Variants in VIPR2 observed in about 807,000 individuals in gnomAD.
VIPR2 encodes the protein vasoactive intestinal polypeptide receptor 2.
In VIPR2, 48 loss-of-function variants were observed where a neutral mutation model predicts 58.0. The observed-to-expected ratio is 0.83, with a 90% confidence interval of 0.66 to 1.05. The LOEUF is 1.05. VIPR2 is among the 50% of genes least tolerant of loss of function. The pLI is 0.00. For missense variants in VIPR2, 534 were observed against 558.0 expected (o/e 0.96, Z 0.43); for synonymous variants, 243 against 235.2 (o/e 1.03, Z -0.30).
Position 159,030,544 on chromosome 7 carries a change from A to C in VIPR2, c.*72T>G. On this transcript the variant is annotated 3_prime_UTR_variant, in exon 13 of 13. Coordinates refer to ENST00000262178, the MANE Select transcript of VIPR2 (RefSeq NM_003382.5). The stretch of plus-strand genomic sequence containing the variant: ...CGGTGCTCGGGCATCTGGAAGGAGG[A>C]AGCCGGCGTCTCAGCCCCGCAGAAG... The C allele has an allele frequency of 6.9e-7, 1 of 1,455,532 alleles. No homozygotes were observed. The highest frequency in any genetic ancestry group is 9.1e-7 in the Non-Finnish European group (1 of 1,099,954). The allele number at this position is 1,455,532 out of a possible 1,614,324, so 90.2% of individuals were successfully genotyped here. A position where few individuals can be genotyped will look rare whatever the true frequency, so the allele number is the denominator to read the frequency against.
intron 2 of VIPR2, among the ~76,000 whole-genome samples, chr7:159,136,394 A>G (rs1287995429): frequency 6.6e-6 from 1 of 152,192 alleles, no homozygotes; most frequent in Non-Finnish European, 1.5e-5. Context: ...TACATTGAGG[A>G]TTGTTTTAAC....
At position 159,142,549 on chromosome 7, in the gene VIPR2, T is replaced by TTGCC; in HGVS notation, c.52-5_52-4insGGCA. 8 of 1,601,424 alleles carry TTGCC rather than the reference T, an allele frequency of 5.0e-6. No individual in the cohort carries two copies. Among genetic ancestry groups the TTGCC allele is most frequent in the Non-Finnish European group, 6.8e-6 (8 of 1,171,860 alleles). Reference sequence around the variant, plus strand: ...ATTCTGGGTGAATGCTGTTCACCTGTTCACGGTTAAAAGAAATATTAATAA... The same window carrying TTGCC: ...ATTCTGGGTGAATGCTGTTCACCTGTTGCCTCACGGTTAAAAGAAATATTAATAA... On this transcript the variant is annotated splice_polypyrimidine_tract_variant and splice_region_variant and intron_variant, in intron 1 of 12. Transcript: ENST00000262178.
At chr7:159,131,558 T>C (rs1255001961) in intron 2 of VIPR2, among the ~76,000 whole-genome samples, 1 of 152,168 alleles carries the variant, frequency 6.6e-6, no homozygotes, top group Admixed American at 6.5e-5. Flanking sequence ...CTCGCCCCTC[T>C]CCCCACAGGA....
intron 4 of VIPR2, among the ~76,000 whole-genome samples, chr7:159,067,641 A>G (rs1856165520): frequency 6.6e-6 from 1 of 152,250 alleles, no homozygotes; most frequent in Non-Finnish European, 1.5e-5. Context: ...ACTAGAAAGA[A>G]AGAATAATCC....
chr7:159,082,739 CAGAT>C (rs1856974791), intron 4 of VIPR2, among the ~76,000 whole-genome samples: 1 of 152,332 alleles, frequency 6.6e-6, no homozygotes, highest in South Asian at 2.1e-4. Flanking sequence ...GACAGACAGA[CAGAT>C]AGACCTGCAG....
In VIPR2 at chr7:159,133,871, G is replaced by A. The variant is rs186693521; in HGVS notation, c.151+8575C>T. Among the ~76,000 whole-genome samples the A allele has an allele frequency of 7.9e-5, 12 of 152,250 alleles. No homozygotes were observed. In the East Asian group the frequency reaches 1.2e-3, roughly 15 times the overall value. The stretch of plus-strand genomic sequence containing the variant: ...GTAATCTTTAATAAATAAGAATGTC[G>A]ATGATGTAGTAGAAATGGACATTCT... On this transcript the variant is annotated intron_variant, in intron 2 of 12. Coordinates refer to ENST00000262178, the MANE Select transcript of VIPR2 (RefSeq NM_003382.5).
At chr7:159,038,202 G>T (rs1484552334) in intron 6 of VIPR2, among the ~76,000 whole-genome samples, 2 of 152,006 alleles carry the variant, frequency 1.3e-5, no homozygotes, top group African/African-American at 2.4e-5. Context: ...AGCCCTGCAG[G>T]CTGCCCCGAC....
In VIPR2 at chr7:159,128,356, C is replaced by T. The variant is rs546991328; in HGVS notation, c.151+14090G>A. On this transcript the variant is annotated intron_variant, in intron 2 of 12. Transcript: ENST00000262178. The surrounding 1 kb of genome is among the most constrained non-coding windows in gnomAD (Gnocchi z 4.1). ...AGCAGTTCTGAGCCTGCAGTGGTCT[C>T]CTTGTGCCCCCAGGTGCCTGCTGGC... Among the ~76,000 whole-genome samples, 1 of 152,318 alleles carries T rather than the reference C, an allele frequency of 6.6e-6. No individual in the cohort carries two copies. The highest frequency in any genetic ancestry group is 2.4e-5 in the African/African-American group (1 of 41,576).
chr7:159,120,208 A>G (rs117414252), intron 2 of VIPR2, among the ~76,000 whole-genome samples: 2,104 of 152,268 alleles, frequency 0.014, 28 homozygotes, highest in Admixed American at 0.033. Flanking sequence ...TGGGAAAAAA[A>G]TTTCGTGTTT....
chr7:159,089,500 G>A (rs889385801), intron 4 of VIPR2, among the ~76,000 whole-genome samples: 12 of 152,202 alleles, frequency 7.9e-5, no homozygotes, highest in Non-Finnish European at 1.6e-4. Context: ...GTTCTTGTCT[G>A]GCAGTGTTGC....
rs1200335446 is a variant in VIPR2 at position 159,031,840 on chromosome 7, G to A, written c.1131C>T (p.Phe377=). The A allele has an allele frequency of 7.4e-6, 12 of 1,613,940 alleles. No individual in the cohort carries two copies. The highest frequency in any genetic ancestry group is 1.3e-5 in the African/African-American group (1 of 74,922). ...QGLVVAVLYC[F]LNSEVQCELK... is the part of the protein sequence containing the mutation. ...GCCATGAACTTACCTCACTGTTCAG[G>A]AAACAGTAGAGGACGGCCACCACCA... is the stretch of plus-strand genomic sequence containing the variant. Residue 377 remains phenylalanine (F), a synonymous_variant, in exon 12 of 13, where the codon TTC becomes TTT. Coordinates refer to ENST00000262178, the MANE Select transcript of VIPR2 (RefSeq NM_003382.5). This position sits in a 1 kb window ranked among gnomAD's most constrained non-coding sequence, Gnocchi z 4.0.
At chr7:159,048,376 CTGGTA>C (rs1237022989) in intron 5 of VIPR2, among the ~76,000 whole-genome samples, 7 of 152,188 alleles carry the variant, frequency 4.6e-5, no homozygotes, top group African/African-American at 1.4e-4. Flanking sequence ...GAAATGACTC[CTGGTA>C]CCAGAGTGAC....
intron 4 of VIPR2, among the ~76,000 whole-genome samples, chr7:159,094,330 G>C (rs1415879097): frequency 6.6e-6 from 1 of 152,208 alleles, no homozygotes; most frequent in Non-Finnish European, 1.5e-5. Flanking sequence ...ACACAGGCCA[G>C]AGAGTGCCCA....
chr7:159,031,426 T>A lies in VIPR2; in HGVS notation c.1143+402A>T. 1 of 984,882 alleles carries A rather than the reference T, an allele frequency of 1.0e-6. No homozygotes were observed. Among genetic ancestry groups the A allele is most frequent in the Non-Finnish European group, 1.2e-6 (1 of 829,532 alleles). The allele number at this position is 984,882 out of a possible 1,614,324, so 61.0% of individuals were successfully genotyped here. A position where few individuals can be genotyped will look rare whatever the true frequency, so the allele number is the denominator to read the frequency against. ...GGGCAGAGCTCGGCTCCGGGCTTCC[T>A]CCCCAGGGACTCACAGGACGCTGTG... On this transcript the variant is annotated intron_variant, in intron 12 of 12. Coordinates refer to ENST00000262178, the MANE Select transcript of VIPR2 (RefSeq NM_003382.5). The surrounding 1 kb of genome is among the most constrained non-coding windows in gnomAD (Gnocchi z 4.0).
intron 1 of VIPR2, among the ~76,000 whole-genome samples, chr7:159,143,320 G>A (rs1797549264): frequency 6.6e-6 from 1 of 152,196 alleles, no homozygotes; most frequent in South Asian, 2.1e-4. Context: ...GCGGCCCTTG[G>A]GGGCTTAAGG....
At chr7:159,132,595 G>GT (rs1796967452) in intron 2 of VIPR2, among the ~76,000 whole-genome samples, 1 of 152,270 alleles carries the variant, frequency 6.6e-6, no homozygotes, top group Non-Finnish European at 1.5e-5. Flanking sequence ...CCCAGAGCCC[G>GT]TGCCTTTCTG....
chr7:159,139,001 G>A (rs1331863298), intron 2 of VIPR2, among the ~76,000 whole-genome samples: 2 of 152,118 alleles, frequency 1.3e-5, no homozygotes, highest in Admixed American at 1.3e-4. Context: ...GGAGGAGAAG[G>A]ACCAAGAAAT....
intron 5 of VIPR2, among the ~76,000 whole-genome samples, chr7:159,045,887 T>TATTATA (rs55706207): frequency 6.7e-6 from 1 of 148,634 alleles, no homozygotes; most frequent in Non-Finnish European, 1.5e-5. Context: ...AGGATTAGTA[T>TATTATA]CTAAAATATA....
chr7:159,063,404 G>T (rs1201452497), intron 4 of VIPR2, among the ~76,000 whole-genome samples: 1 of 152,046 alleles, frequency 6.6e-6, no homozygotes, highest in South Asian at 2.1e-4. Flanking sequence ...TCACTGCCCG[G>T]GGCCGGCAGC....
Sources: gnomAD v4.1 joint callset for allele counts (sites outside exome capture counted in the v4.1 genomes callset) on GRCh38, gnomAD v4.1.1 for gene constraint, Gnocchi (gnomAD v3.1) non-coding constraint, MANE v1.5 for transcripts, NCBI Gene and HGNC (gene_info 2026-07-23, HGNC 2026-07-21) for gene names.